Variants in PIWIL3 observed in about 807,000 individuals in gnomAD.
The protein encoded by PIWIL3 is piwi-like protein 3.
In PIWIL3, 101 loss-of-function variants were observed where a neutral mutation model predicts 109.7. That is an observed-to-expected ratio of 0.92 (90% CI 0.78 to 1.09). The LOEUF (loss-of-function observed/expected upper bound fraction) is 1.09, where lower values mean the gene tolerates loss of function less well. PIWIL3 is among the 50% of genes least tolerant of loss of function. PIWIL3 has a pLI of 0.00. For synonymous variants in PIWIL3, 373 were observed against 376.4 expected (o/e 0.99, Z 0.10); for missense variants, 1,031 against 1,072.6 (o/e 0.96, Z 0.54).
intron 9 of PIWIL3, 146 bp from the exon 10 acceptor site, chr22:24,749,965 T>G: frequency 9.5e-7 from 1 of 1,051,064 alleles, no homozygotes; most frequent in Non-Finnish European, 1.4e-6. Flanking sequence ...AATAGTGTAC[T>G]ATGAATACTC....
Position 24,762,441 on chromosome 22 carries a change from T to C in PIWIL3, c.59A>G (p.Gln20Arg), listed in dbSNP as rs1211342767. 2.5e-6 allele frequency: 4 copies of C among 1,613,952 alleles called. No homozygotes were observed. The African/African-American group carries it at 5.3e-5, about 22-fold the overall frequency. The change falls in exon 2 of 21, where the codon CAA (glutamine) becomes CGA (arginine). Residue 20 changes from glutamine to arginine, a missense_variant. Physicochemically the swap from Gln to Arg is conservative, Grantham distance 43. Transcript: ENST00000616349. ...RGRARRRESY[Q>R]QEAPGGPRAP... is the part of the protein sequence containing the mutation. ...TCTGGGTCCCCCAGGTGCCTCTTGTTGGTAGCTCTCCCTGCGGCGGGCTCT... is the reference window on the plus strand; with the variant it reads ...TCTGGGTCCCCCAGGTGCCTCTTGTCGGTAGCTCTCCCTGCGGCGGGCTCT...
intron 9 of PIWIL3, 113 bp downstream of exon 9, chr22:24,751,274 A>G: frequency 1.7e-6 from 2 of 1,146,106 alleles, no homozygotes; most frequent in African/African-American, 1.6e-5. Context: ...TAATCCCCTA[A>G]AAGGAAAATA....
chr22:24,735,783 C>T lies in PIWIL3; in HGVS notation c.1559G>A (p.Arg520Lys). The T allele has an allele frequency of 6.2e-7, 1 of 1,614,086 alleles. No individual in the cohort carries two copies. Among genetic ancestry groups the T allele is most frequent in the Non-Finnish European group, 8.5e-7 (1 of 1,179,960 alleles). The change falls in exon 13 of 21, where the codon AGA becomes AAA. Residue 520 changes from arginine (R) to lysine (K), a missense_variant. By Grantham distance (26) the Arg-to-Lys change is conservative (BLOSUM62 2). Transcript: ENST00000616349. ...WLILYSRSSH[R>K]EAMSLKGHLQ... ...ATGACCCTTTAAGGACATGGCTTCT[C>T]TGTGACTGCTCCTGCTATAGAGTAT...
chr22:24,737,829 G>A (rs543527033), intron 12 of PIWIL3, among the ~76,000 whole-genome samples: 15 of 152,268 alleles, frequency 9.9e-5, no homozygotes, highest in East Asian at 3.9e-4. Context: ...ATGGGCCTGT[G>A]GTGGTGGTGG....
At chr22:24,753,961 T>G in intron 8 of PIWIL3, 53 bp downstream of exon 8, 1 of 1,444,366 alleles carries the variant, frequency 6.9e-7, no homozygotes, top group Non-Finnish European at 9.7e-7. Flanking sequence ...TCTCTTGGGG[T>G]GGGGGAAGGG....
Position 24,754,784 on chromosome 22 carries a change from C to G in PIWIL3, c.773G>C (p.Gly258Ala), listed in dbSNP as rs778389441. The change falls in exon 7 of 21, where the codon GGT becomes GCT. Residue 258 changes from glycine to alanine, a missense_variant and splice_region_variant. Physicochemically the swap from Gly to Ala is moderately conservative, Grantham distance 60 (BLOSUM62 0). Coordinates refer to ENST00000616349, the MANE Select transcript of PIWIL3 (RefSeq NM_001255975.1). The part of the protein sequence containing the change: ...KKKAIQLYRH[G>A]TSLEIWLGYV... ...GTGAAATTTTCTACTTTATACAAAC[C>G]CATGACGGTATAACTGAATGGCCTT... The G allele has an allele frequency of 4.4e-6, 7 of 1,598,040 alleles. No homozygotes were observed. The highest frequency in any genetic ancestry group is 1.7e-5 in the Admixed American group (1 of 59,986).
At chr22:24,773,710 T>C (rs1043637948) in intron 1 of PIWIL3, among the ~76,000 whole-genome samples, 4 of 88,182 alleles carry the variant, frequency 4.5e-5, no homozygotes, top group Non-Finnish European at 7.3e-5. Context: ...TAGATTTTTT[T>C]TTTTTTTTTT....
chr22:24,765,569 G>T (rs912652014), intron 1 of PIWIL3, among the ~76,000 whole-genome samples: 4 of 152,146 alleles, frequency 2.6e-5, no homozygotes, highest in Non-Finnish European at 5.9e-5. Context: ...AGATCGTGTA[G>T]ATTGGGGTTG....
intron 9 of PIWIL3, 67 bp downstream of exon 9, chr22:24,751,320 A>G: frequency 6.9e-7 from 1 of 1,454,410 alleles, no homozygotes. Context: ...CAAGTAGCTA[A>G]ATAACACAAA....
At chr22:24,737,429 A>G (rs1470421882) in intron 12 of PIWIL3, among the ~76,000 whole-genome samples, 2 of 152,172 alleles carry the variant, frequency 1.3e-5, no homozygotes, top group East Asian at 3.9e-4. Flanking sequence ...ACCCTGAAGA[A>G]CCAGCAATAA....
chr22:24,719,998 T>G (rs1201413643), intron 19 of PIWIL3, 103 bp from the exon 20 acceptor site: 1 of 990,444 alleles, frequency 1.0e-6, no homozygotes, highest in Non-Finnish European at 1.4e-6. Context: ...CTTACAAAAA[T>G]CTATTCTATA....
At chr22:24,733,335 A>G (rs771197865) in intron 14 of PIWIL3, among the ~76,000 whole-genome samples, 4 of 151,732 alleles carry the variant, frequency 2.6e-5, no homozygotes, top group Admixed American at 6.6e-5. Flanking sequence ...GATACAACAT[A>G]ATGACAACTT....
chr22:24,760,002 G>T lies in PIWIL3; in HGVS notation c.103-13C>A, dbSNP rs1291102138. 2 of 1,613,588 alleles carry T rather than the reference G, an allele frequency of 1.2e-6. No individual in the cohort carries two copies. The highest frequency in any genetic ancestry group is 2.2e-5 in the South Asian group (2 of 91,074). On this transcript the variant is annotated splice_polypyrimidine_tract_variant and intron_variant, in intron 2 of 20. Transcript: ENST00000616349. ...GGGGCTCCTGGGTCTGCATGTTTTT[G>T]GAAATAGAAATAATGAGCAGTGCCC...
chr22:24,762,580 T>C, intron 1 of PIWIL3, 59 bp from the exon 2 acceptor site: 1 of 1,350,538 alleles, frequency 7.4e-7, no homozygotes, highest in Non-Finnish European at 1.0e-6. Context: ...TTACTCTCTT[T>C]AGGGTTGCTA....
At position 24,744,191 on chromosome 22, in the gene PIWIL3, A is replaced by ATT. The variant is rs1349914089; in HGVS notation, c.1449+4715_1449+4716insAA. Among the ~76,000 whole-genome samples the ATT allele has an allele frequency of 1.0e-4, 15 of 147,440 alleles. 1 individual carries two copies. In the East Asian group the frequency reaches 1.2e-3, roughly 12 times the overall value. Reference sequence around the variant, plus strand: ...GAGTGACCGAATTAAAAAAAAAAAAAAAAAAAAAAAAAAAAACAATGATCT... The same window carrying ATT: ...GAGTGACCGAATTAAAAAAAAAAAAATTAAAAAAAAAAAAAAAACAATGATCT... On this transcript the variant is annotated intron_variant, in intron 12 of 20. Transcript: ENST00000616349.
chr22:24,735,685 A>C (rs778014468), intron 13 of PIWIL3, 23 bp downstream of exon 13: 1 of 1,552,702 alleles, frequency 6.4e-7, no homozygotes, highest in Non-Finnish European at 8.7e-7. Context: ...CGATTTTCAA[A>C]TGGGAATTTC....
intron 1 of PIWIL3, among the ~76,000 whole-genome samples, chr22:24,766,891 A>C (rs1038724361): frequency 6.6e-6 from 1 of 151,668 alleles, no homozygotes; most frequent in Non-Finnish European, 1.5e-5. Flanking sequence ...GCACTTTGGG[A>C]GGCTGAGGCA....
At chr22:24,760,781 A>AAAAAAAAAAAAAAAAAAAAAAAAAAC (rs1925386707) in intron 2 of PIWIL3, among the ~76,000 whole-genome samples, 1 of 86,068 alleles carries the variant, frequency 1.2e-5, no homozygotes, top group Non-Finnish European at 2.4e-5. Flanking sequence ...ACTCTGTCTC[A>AAAAAAAAAAAAAAAAAAAAAAAAAAC]AAAAAAAAAA....
intron 3 of PIWIL3, among the ~76,000 whole-genome samples, chr22:24,758,322 T>G (rs1196972784): frequency 6.6e-6 from 1 of 152,216 alleles, no homozygotes. Context: ...TCTAGAAACT[T>G]TGGTTCTGTC....
Sources: gnomAD v4.1 joint callset for allele counts (sites outside exome capture counted in the v4.1 genomes callset) on GRCh38, gnomAD v4.1.1 for gene constraint, MANE v1.5 for transcripts, NCBI Gene and HGNC (gene_info 2026-07-23, HGNC 2026-07-21) for gene names.